QTMAN: variants seen among roughly 807,000 people sequenced by gnomAD.
QTMAN encodes the protein queuosine-tRNA mannosyltransferase.
chr2:144,108,868 C>A, the QTMAN span, among the ~76,000 whole-genome samples: 3 of 152,020 alleles, frequency 2.0e-5, no homozygotes, highest in Non-Finnish European at 4.4e-5. Flanking sequence ...ATGTGAAGGA[C>A]CTCTTCAAGA....
the QTMAN span, among the ~76,000 whole-genome samples, chr2:144,233,368 G>T: frequency 6.6e-6 from 1 of 152,158 alleles, no homozygotes; most frequent in East Asian, 1.9e-4. Flanking sequence ...ACTAAATGTG[G>T]AAGTTGTAAG....
At chr2:144,155,251 G>A in the QTMAN span, among the ~76,000 whole-genome samples, 1 of 152,146 alleles carries the variant, frequency 6.6e-6, no homozygotes, top group Non-Finnish European at 1.5e-5. Context: ...AAGAGGAAAG[G>A]TAGATGTCAA....
At chr2:144,055,958 T>C in the QTMAN span, among the ~76,000 whole-genome samples, 2 of 152,358 alleles carry the variant, frequency 1.3e-5, no homozygotes, top group Admixed American at 1.3e-4. Flanking sequence ...CACCACTTAC[T>C]AGTTTTGTGA....
the QTMAN span, among the ~76,000 whole-genome samples, chr2:144,110,254 A>C: frequency 6.6e-6 from 1 of 152,212 alleles, no homozygotes; most frequent in Non-Finnish European, 1.5e-5. Flanking sequence ...ACATGGATGA[A>C]GCTGGAAACC....
At chr2:143,956,763 C>A in the QTMAN span, among the ~76,000 whole-genome samples, 4 of 152,058 alleles carry the variant, frequency 2.6e-5, no homozygotes, top group African/African-American at 9.6e-5. Context: ...ACATTAACAT[C>A]CATCATGCAT....
the QTMAN span, among the ~76,000 whole-genome samples, chr2:144,300,202 A>G: frequency 6.6e-6 from 1 of 152,214 alleles, no homozygotes; most frequent in East Asian, 1.9e-4. Context: ...CTGCACAACA[A>G]TGGGAATGTA....
At chr2:143,948,245 T>C in the QTMAN span, among the ~76,000 whole-genome samples, 1 of 152,194 alleles carries the variant, frequency 6.6e-6, no homozygotes, top group Admixed American at 6.5e-5. Context: ...GTGTGAATTG[T>C]AAGCTTAATT....
chr2:143,984,488 T>G, the QTMAN span, among the ~76,000 whole-genome samples: 1 of 152,202 alleles, frequency 6.6e-6, no homozygotes, highest in African/African-American at 2.4e-5. Flanking sequence ...TTGCTGGTGC[T>G]AAGAGTTTCC....
chr2:144,296,926 A>G, the QTMAN span, among the ~76,000 whole-genome samples: 1 of 152,238 alleles, frequency 6.6e-6, no homozygotes, highest in Admixed American at 6.5e-5. Context: ...TGATTGCTTT[A>G]TAATGAAATA....
chr2:144,143,380 T>A, the QTMAN span, among the ~76,000 whole-genome samples: 100 of 152,092 alleles, frequency 6.6e-4, 1 homozygote, highest in Non-Finnish European at 1.2e-3. Context: ...TAAGTAGAGC[T>A]TATAGAATAG....
chr2:144,133,755 C>T, the QTMAN span, among the ~76,000 whole-genome samples: 1 of 150,124 alleles, frequency 6.7e-6, no homozygotes, highest in South Asian at 2.1e-4. Context: ...AGTTTTTTTA[C>T]ACAATAATTC....
At chr2:144,176,849 A>C in the QTMAN span, among the ~76,000 whole-genome samples, 1 of 152,212 alleles carries the variant, frequency 6.6e-6, no homozygotes, top group African/African-American at 2.4e-5. Context: ...GCTATAAAGA[A>C]ATACCCAAGA....
At chr2:144,042,383 C>A in the QTMAN span, among the ~76,000 whole-genome samples, 2 of 151,864 alleles carry the variant, frequency 1.3e-5, no homozygotes, top group Non-Finnish European at 2.9e-5. Flanking sequence ...ACAGGAAAAA[C>A]AAAATAAAAC....
At chr2:144,300,489 T>C in the QTMAN span, among the ~76,000 whole-genome samples, 1 of 152,188 alleles carries the variant, frequency 6.6e-6, no homozygotes, top group Non-Finnish European at 1.5e-5. Flanking sequence ...TATCACAGCA[T>C]TATGTCTAAG....
the QTMAN span, among the ~76,000 whole-genome samples, chr2:144,119,543 G>A: frequency 6.6e-6 from 1 of 152,210 alleles, no homozygotes; most frequent in Non-Finnish European, 1.5e-5. Context: ...AATGACCAGG[G>A]AAGCAAAACC....
At chr2:144,203,800 T>A in the QTMAN span, among the ~76,000 whole-genome samples, 1 of 152,146 alleles carries the variant, frequency 6.6e-6, no homozygotes, top group African/African-American at 2.4e-5. Context: ...TTAAATAATT[T>A]ACCATGTTTT....
chr2:144,022,021 G>GT, the QTMAN span, among the ~76,000 whole-genome samples: 1 of 151,094 alleles, frequency 6.6e-6, no homozygotes, highest in African/African-American at 2.5e-5. Context: ...TCTGAGGAAG[G>GT]TATGGGGCAG....
At chr2:144,207,454 C>A in the QTMAN span, among the ~76,000 whole-genome samples, 1 of 152,152 alleles carries the variant, frequency 6.6e-6, no homozygotes, top group Non-Finnish European at 1.5e-5. Flanking sequence ...GTACTGGAGG[C>A]AAGATGGGCA....
At chr2:144,311,130 G>A in the QTMAN span, among the ~76,000 whole-genome samples, 2 of 152,288 alleles carry the variant, frequency 1.3e-5, no homozygotes, top group South Asian at 4.1e-4. Context: ...TAGATAAGGT[G>A]TGTATTTAAG....
Sources: allele counts gnomAD v4.1 joint callset (sites outside exome capture counted in the v4.1 genomes callset), GRCh38; gene constraint gnomAD v4.1.1; transcripts MANE v1.5; gene names NCBI Gene and HGNC (gene_info 2026-07-23, HGNC 2026-07-21).